The following CACNG7 variants were observed in gnomAD, a reference collection of about 807,000 sequenced individuals.
CACNG7 encodes calcium voltage-gated channel auxiliary subunit gamma 7.
Under a neutral mutation model 26.3 loss-of-function variants are expected in CACNG7, and 9 were observed. That is an observed-to-expected ratio of 0.34 (90% CI 0.21 to 0.60). CACNG7 has a LOEUF of 0.60. Ranked by LOEUF, CACNG7 falls within the 20% of genes least tolerant of loss-of-function variation. The probability of loss-of-function intolerance (pLI) is 0.81; values close to 1 mark genes in which losing one functional copy is unlikely to be tolerated. For missense variants in CACNG7, 297 were observed against 380.4 expected, an observed-to-expected ratio of 0.78 and a Z score of 1.82; for synonymous variants, 170 against 157.0, an observed-to-expected ratio of 1.08 and a Z score of -0.62.
At chr19:53,929,095 C>A in intron 4 of CACNG7, among the ~76,000 whole-genome samples, 1 of 117,482 alleles carries the variant, frequency 8.5e-6, no homozygotes, top group South Asian at 2.8e-4. Flanking sequence ...CTGGGTGACA[C>A]AGTGAGACTC....
intron 4 of CACNG7, among the ~76,000 whole-genome samples, chr19:53,931,886 C>T (rs1052479167): frequency 2.0e-5 from 3 of 150,034 alleles, no homozygotes; most frequent in East Asian, 4.1e-4. Context: ...CTCAGCCTCC[C>T]GAGTAGCTGG....
intron 4 of CACNG7, among the ~76,000 whole-genome samples, chr19:53,919,113 C>A (rs978926777): frequency 6.6e-6 from 1 of 152,252 alleles, no homozygotes; most frequent in Non-Finnish European, 1.5e-5. Context: ...GGCCAAATTT[C>A]AAATTTTCCC....
At chr19:53,914,273 C>CA (rs376053657) in intron 2 of CACNG7, among the ~76,000 whole-genome samples, 91 of 107,234 alleles carry the variant, frequency 8.5e-4, no homozygotes, top group Non-Finnish European at 1.3e-3. Flanking sequence ...GACTCCATCT[C>CA]AAAAAAAAAA....
chr19:53,913,408 G>A (rs2068873196), intron 2 of CACNG7, among the ~76,000 whole-genome samples: 1 of 151,906 alleles, frequency 6.6e-6, no homozygotes, highest in Non-Finnish European at 1.5e-5. Context: ...TATCCCTTGA[G>A]CTCAGGAGTT....
intron 2 of CACNG7, among the ~76,000 whole-genome samples, 198 bp downstream of exon 2, chr19:53,913,225 C>G (rs1254887402): frequency 6.6e-6 from 1 of 152,072 alleles, no homozygotes; most frequent in East Asian, 1.9e-4. Flanking sequence ...CTCCAGGCCC[C>G]TAACCCCTAA....
intron 4 of CACNG7, among the ~76,000 whole-genome samples, chr19:53,918,858 T>A (rs1287210373): frequency 1.3e-5 from 2 of 152,156 alleles, no homozygotes; most frequent in Non-Finnish European, 2.9e-5. Context: ...AACCTCCGCG[T>A]CCCAGGTTCA....
At chr19:53,931,678 C>A (rs1447377742) in intron 4 of CACNG7, among the ~76,000 whole-genome samples, 5 of 109,018 alleles carry the variant, frequency 4.6e-5, no homozygotes, top group African/African-American at 7.3e-5. Flanking sequence ...CAGAGTAAGA[C>A]TCTGTCTAAA....
intron 4 of CACNG7, among the ~76,000 whole-genome samples, chr19:53,920,346 A>C (rs1249682154): frequency 1.9e-5 from 2 of 104,718 alleles, no homozygotes; most frequent in East Asian, 5.0e-4. Flanking sequence ...TCATTGGTGG[A>C]GTTTCCCCAG....
chr19:53,919,353 G>A (rs1226500486), intron 4 of CACNG7, among the ~76,000 whole-genome samples: 1 of 152,140 alleles, frequency 6.6e-6, no homozygotes, highest in East Asian at 1.9e-4. Context: ...GCCCAGGTCT[G>A]GTCATTGGTG....
intron 4 of CACNG7, among the ~76,000 whole-genome samples, chr19:53,931,797 T>G (rs1377522265): frequency 1.4e-5 from 2 of 140,982 alleles, no homozygotes; most frequent in African/African-American, 5.2e-5. Context: ...AGTCTGGCTC[T>G]GTCGCCCAGG....
At chr19:53,914,348 C>T in intron 2 of CACNG7, 152 bp from the exon 3 acceptor site, 12 of 555,776 alleles carry the variant, frequency 2.2e-5, no homozygotes, top group Non-Finnish European at 3.6e-5. Flanking sequence ...CCCGCTTTCC[C>T]AACACCCCTG....
At chr19:53,928,189 A>G (rs966955801) in intron 4 of CACNG7, among the ~76,000 whole-genome samples, 6 of 152,078 alleles carry the variant, frequency 3.9e-5, no homozygotes, top group African/African-American at 1.4e-4. Context: ...AAGAAAACAA[A>G]ATCTCTTCCT....
intron 1 of CACNG7, among the ~76,000 whole-genome samples, chr19:53,911,693 G>A (rs1030530889): frequency 4.6e-5 from 7 of 152,202 alleles, no homozygotes; most frequent in Non-Finnish European, 7.3e-5. Flanking sequence ...GATGGTGCCC[G>A]TTTCCGAACC....
intron 4 of CACNG7, among the ~76,000 whole-genome samples, chr19:53,937,932 C>A (rs2069115338): frequency 6.6e-6 from 1 of 151,984 alleles, no homozygotes; most frequent in African/African-American, 2.4e-5. Context: ...GAGGAGAGAT[C>A]TAAGTGACAG....
chr19:53,911,600 A>G (rs1268424436), intron 1 of CACNG7, among the ~76,000 whole-genome samples: 2 of 152,098 alleles, frequency 1.3e-5, no homozygotes, highest in Admixed American at 6.6e-5. Context: ...AGAAGGGACG[A>G]GGTCCCAGCT....
chr19:53,941,754 C>A, intron 5 of CACNG7, 139 bp downstream of exon 5: 1 of 1,121,462 alleles, frequency 8.9e-7, no homozygotes, highest in Non-Finnish European at 1.3e-6. Flanking sequence ...GGGTCTAACC[C>A]CTGGGTCCTG....
intron 4 of CACNG7, among the ~76,000 whole-genome samples, chr19:53,920,296 G>C (rs2068932423): frequency 9.5e-6 from 1 of 105,164 alleles, no homozygotes; most frequent in South Asian, 3.1e-4. Flanking sequence ...TGGTGGAGTT[G>C]CCCCAGGTCT....
Position 53,942,574 on chromosome 19 carries a change from T to TTTTAATGATACGGCGA in CACNG7, c.*281_*282insTTTAATGATACGGCGA. ...CGCCCCTTTCCTCTGGCCCCTCCTC[T>TTTTAATGATACGGCGA]CCAAGAAAATTAGCTCCTCCCTCGT... On this transcript the variant is annotated 3_prime_UTR_variant, in exon 6 of 6. Coordinates refer to ENST00000391767, the MANE Select transcript of CACNG7 (RefSeq NM_031896.5). The surrounding 1 kb of genome is among the most constrained non-coding windows in gnomAD (Gnocchi z 5.9). The TTTTAATGATACGGCGA allele has an allele frequency of 1.4e-5, 19 of 1,330,904 alleles. No individual in the cohort carries two copies. Among genetic ancestry groups the TTTTAATGATACGGCGA allele is most frequent in the Admixed American group, 6.9e-5 (2 of 29,138 alleles). The allele number at this position is 1,330,904 out of a possible 1,614,324, so 82.4% of individuals were successfully genotyped here.
rs1196113094 is a variant in CACNG7 at position 53,921,362 on chromosome 19, T to A, written c.424+5857T>A. On this transcript the variant is annotated intron_variant, in intron 4 of 5. Transcript: ENST00000391767. ...TGCCCCAGGCTGGTCATTGGTGGAG[T>A]CGTCCCCAGGTCTGGTCATTGGTGG... is the stretch of plus-strand genomic sequence containing the variant. 3.0e-5 allele frequency among the ~76,000 whole-genome samples: 4 copies of A among 131,322 alleles called. No homozygotes were observed. In the East Asian group the frequency reaches 9.9e-4, roughly 32 times the overall value. 86.2% of individuals were successfully genotyped at this position (131,322 alleles called of 152,430 possible).
Sources: allele counts gnomAD v4.1 joint callset (sites outside exome capture counted in the v4.1 genomes callset), GRCh38; gene constraint gnomAD v4.1.1; non-coding constraint Gnocchi (gnomAD v3.1); transcripts MANE v1.5; gene names NCBI Gene and HGNC (gene_info 2026-07-23, HGNC 2026-07-21).